The following ADGRV1 variants were observed in gnomAD, a reference collection of about 807,000 sequenced individuals.
ADGRV1 encodes adhesion G protein-coupled receptor V1.
In ADGRV1, 359 loss-of-function variants were observed where a neutral mutation model predicts 596.2. That is an observed-to-expected ratio of 0.60 (90% CI 0.55 to 0.66). ADGRV1 has a LOEUF of 0.66. Among genes scored for constraint, ADGRV1 ranks in the 30% least tolerant of loss-of-function variants. ADGRV1 has a pLI of 0.00. For synonymous variants in ADGRV1, 2,681 were observed against 2,679.2 expected (o/e 1.00, Z -0.02); for missense variants, 7,274 against 7,575.6 (o/e 0.96, Z 1.48).
intron 21 of ADGRV1, among the ~76,000 whole-genome samples, chr5:90,667,061 A>G (rs1290235297): frequency 6.6e-6 from 1 of 151,478 alleles, no homozygotes; most frequent in Admixed American, 6.6e-5. Context: ...CTTCATTTCA[A>G]CTTTGGTGAA....
At chr5:91,152,025 G>A (rs912973455) in intron 88 of ADGRV1, among the ~76,000 whole-genome samples, 4 of 152,234 alleles carry the variant, frequency 2.6e-5, no homozygotes, top group African/African-American at 9.6e-5. Flanking sequence ...AACACCCTAT[G>A]TTGGTAGGCA....
At chr5:90,869,496 A>T (rs1202724166) in intron 83 of ADGRV1, among the ~76,000 whole-genome samples, 1 of 152,186 alleles carries the variant, frequency 6.6e-6, no homozygotes, top group African/African-American at 2.4e-5. Context: ...AAATGGACTA[A>T]AGAAGGTAAG....
In ADGRV1 at chr5:90,777,919, C is replaced by A; in HGVS notation, c.12542C>A (p.Pro4181Gln). The change falls in exon 62 of 90, where the codon CCA becomes CAA. Residue 4181 changes from proline to glutamine, a missense_variant. Physicochemically the swap from Pro to Gln is moderately conservative, Grantham distance 76 (BLOSUM62 -1). Coordinates refer to ENST00000405460, the MANE Select transcript of ADGRV1 (RefSeq NM_032119.4). ...GTAIISLVRG[P>Q]GILGEVTVFW... ...TATTGTTGTAGCCTTGTTCGAGGCC[C>A]AGGGATTTTGGGGGAGGTCACAGTG... 6.2e-7 allele frequency: 1 copy of A among 1,610,732 alleles called. No homozygotes were observed. The highest frequency in any genetic ancestry group is 8.5e-7 in the Non-Finnish European group (1 of 1,177,710).
At chr5:90,949,357 A>T (rs1044827068) in intron 83 of ADGRV1, among the ~76,000 whole-genome samples, 2 of 152,154 alleles carry the variant, frequency 1.3e-5, no homozygotes, top group African/African-American at 4.8e-5. Flanking sequence ...TGTGTATGTT[A>T]AACTTCCATC....
At chr5:90,896,135 A>G (rs146427573) in intron 83 of ADGRV1, among the ~76,000 whole-genome samples, 1 of 152,100 alleles carries the variant, frequency 6.6e-6, no homozygotes, top group East Asian at 1.9e-4. Flanking sequence ...TTTAAATGCA[A>G]TAGATCTGAA....
intron 75 of ADGRV1, among the ~76,000 whole-genome samples, chr5:90,816,404 AT>A (rs984759467): frequency 6.7e-6 from 1 of 149,786 alleles, no homozygotes; most frequent in East Asian, 1.9e-4. Flanking sequence ...ATAATTTAAG[AT>A]TTTTTAAATT....
chr5:90,738,231 T>C (rs907001740), intron 50 of ADGRV1, among the ~76,000 whole-genome samples: 3 of 152,104 alleles, frequency 2.0e-5, no homozygotes, highest in African/African-American at 7.2e-5. Flanking sequence ...CTAAAACTTT[T>C]ATGATTTTGA....
In ADGRV1 at chr5:90,745,264, A is replaced by T. The variant is rs183319660; in HGVS notation, c.10768A>T (p.Ser3590Cys). ...TTCCAGCCATTCTGACTTTATTCCT[A>T]GGTAGGTTCAACATTTTTTGCTAAG... ...YISSHSDFIP[S>C]SGELIFEPGE... Residue 3590 changes from serine to cysteine, a missense_variant and splice_region_variant, in exon 51 of 90, where the codon AGT (serine) becomes TGT (cysteine). Ser to Cys is a moderately radical substitution (Grantham distance 112). Transcript: ENST00000405460. The T allele has an allele frequency of 7.1e-5, 112 of 1,567,928 alleles. 2 individuals are homozygous for T. In the Admixed American group the frequency reaches 1.1e-3, roughly 15 times the overall value.
chr5:90,646,310 C>G (rs926745470), intron 16 of ADGRV1, among the ~76,000 whole-genome samples: 1 of 151,316 alleles, frequency 6.6e-6, no homozygotes, highest in East Asian at 1.9e-4. Flanking sequence ...TTTAATTGTT[C>G]GAAGTTTTGA....
intron 50 of ADGRV1, among the ~76,000 whole-genome samples, chr5:90,735,912 G>T (rs762424787): frequency 6.6e-6 from 1 of 152,048 alleles, no homozygotes; most frequent in Non-Finnish European, 1.5e-5. Context: ...AAAACATGTT[G>T]TCAGCAAACA....
At chr5:90,705,624 A>C in intron 37 of ADGRV1, 45 bp downstream of exon 37, 1 of 1,484,194 alleles carries the variant, frequency 6.7e-7, no homozygotes, top group Middle Eastern at 2.2e-4. Context: ...GCAAGTGCTT[A>C]TTAATATTCT....
chr5:90,960,140 A>AC (rs1777878438), intron 83 of ADGRV1, among the ~76,000 whole-genome samples: 1 of 137,874 alleles, frequency 7.3e-6, no homozygotes, highest in South Asian at 2.5e-4. Flanking sequence ...CTCATCTCAA[A>AC]AAAAAAAAAA....
chr5:90,600,958 C>G (rs1164873644), intron 1 of ADGRV1, among the ~76,000 whole-genome samples: 2 of 152,094 alleles, frequency 1.3e-5, no homozygotes, highest in Non-Finnish European at 2.9e-5. Context: ...AAAACCCGGC[C>G]GAGCGCAGTG....
chr5:91,056,951 C>CA (rs1250740782), intron 85 of ADGRV1, among the ~76,000 whole-genome samples: 3 of 151,964 alleles, frequency 2.0e-5, no homozygotes, highest in Non-Finnish European at 4.4e-5. Flanking sequence ...AAGTCATTAG[C>CA]AAAAAAACCA....
intron 1 of ADGRV1, 61 bp from the exon 2 acceptor site, chr5:90,614,774 C>A (rs1420936062): frequency 2.6e-6 from 3 of 1,166,428 alleles, no homozygotes; most frequent in African/African-American, 1.5e-5. Flanking sequence ...ATAGACAATA[C>A]AATCTAATGA....
At chr5:90,725,975 A>T (rs1235184232) in intron 48 of ADGRV1, among the ~76,000 whole-genome samples, 1 of 152,218 alleles carries the variant, frequency 6.6e-6, no homozygotes, top group African/African-American at 2.4e-5. Context: ...CATGATTAGC[A>T]TTGCCACACA....
intron 86 of ADGRV1, among the ~76,000 whole-genome samples, chr5:91,089,333 G>A (rs1418348540): frequency 6.6e-6 from 1 of 152,062 alleles, no homozygotes; most frequent in Non-Finnish European, 1.5e-5. Context: ...TCTGATAGCT[G>A]TTGGGAAAAG....
intron 79 of ADGRV1, among the ~76,000 whole-genome samples, chr5:90,851,100 A>AGG (rs1309769203): frequency 0.023 from 621 of 27,442 alleles, no homozygotes; most frequent in Non-Finnish European, 0.05. Context: ...TAAGCTAGGT[A>AGG]GGGTGTGTGT....
chr5:90,828,944 G>C lies in ADGRV1; in HGVS notation c.16369G>C (p.Val5457Leu). The change falls in exon 77 of 90, where the codon GTA becomes CTA. Residue 5457 changes from valine (V) to leucine (L), a missense_variant and splice_region_variant. Val to Leu is a conservative substitution (Grantham distance 32). This residue lies in a region of ADGRV1 where 1,874 missense variants were observed against 1,970.2 expected (regional missense o/e 0.95). Coordinates refer to ENST00000405460, the MANE Select transcript of ADGRV1 (RefSeq NM_032119.4). The stretch of plus-strand genomic sequence containing the variant: ...TTTTTTTCCTTTTTCTCATTGTCAG[G>C]TACCACAGGTTGAAGTGTATTTTTT... ...FISIELKPEKVPQVEVYFFVE... is the reference protein window; with the variant it reads ...FISIELKPEKLPQVEVYFFVE... The C allele has an allele frequency of 6.4e-7, 1 of 1,563,544 alleles. No individual in the cohort carries two copies. The highest frequency in any genetic ancestry group is 1.4e-5 in the African/African-American group (1 of 74,048).
Sources: gnomAD v4.1 joint callset for allele counts (sites outside exome capture counted in the v4.1 genomes callset) on GRCh38, gnomAD v4.1.1 for gene constraint, gnomAD v4.1.1 regional missense constraint, MANE v1.5 for transcripts, NCBI Gene and HGNC (gene_info 2026-07-23, HGNC 2026-07-21) for gene names.